GSDMC: variants seen among roughly 807,000 people sequenced by gnomAD.
The protein encoded by GSDMC is gasdermin C, also known as gasdermin-C.
Under a neutral mutation model 58.0 loss-of-function variants are expected in GSDMC, and 59 were observed. The observed-to-expected ratio is 1.02, with a 90% confidence interval of 0.82 to 1.26. The LOEUF is 1.26. Ranked by LOEUF, GSDMC falls within the 50% of genes most tolerant of loss-of-function variation. The pLI, the probability that GSDMC is intolerant of heterozygous loss-of-function variation, is 0.00. For synonymous variants in GSDMC, 241 were observed against 220.2 expected (o/e 1.09, Z -0.83); for missense variants, 659 against 598.5 (o/e 1.10, Z -1.06).
At chr8:129,750,255 CAGT>C (rs1205495496) in intron 11 of GSDMC, 136 bp from the exon 12 acceptor site, 25 of 955,874 alleles carry the variant, frequency 2.6e-5, no homozygotes, top group East Asian at 1.0e-4. Context: ...CAAGCAGCCT[CAGT>C]AGTGGGGGCG....
the GSDMC span, among the ~76,000 whole-genome samples, chr8:129,742,610 T>G: frequency 6.6e-6 from 1 of 152,222 alleles, no homozygotes; most frequent in East Asian, 1.9e-4. Context: ...CTTCATCCAT[T>G]CAACTCGAGG....
At chr8:129,773,078 A>G (rs2034112895) in intron 3 of GSDMC, among the ~76,000 whole-genome samples, 1 of 152,248 alleles carries the variant, frequency 6.6e-6, no homozygotes, top group African/African-American at 2.4e-5. Context: ...CTTTCATGAT[A>G]AAACTCTCAG....
chr8:129,769,484 G>T (rs80309087), intron 3 of GSDMC, among the ~76,000 whole-genome samples: 2,004 of 152,214 alleles, frequency 0.013, 42 homozygotes, highest in African/African-American at 0.047. Flanking sequence ...TTTGGAGGCT[G>T]GGAAGTCCTC....
chr8:129,735,310 T>C, the GSDMC span, among the ~76,000 whole-genome samples: 2 of 152,196 alleles, frequency 1.3e-5, no homozygotes, highest in African/African-American at 2.4e-5. Flanking sequence ...GTGGACCTAA[T>C]AGACATCTAC....
intron 9 of GSDMC, 85 bp from the exon 10 acceptor site, chr8:129,751,653 C>A: frequency 3.2e-6 from 4 of 1,259,358 alleles, no homozygotes; most frequent in Non-Finnish European, 4.6e-6. Context: ...TGCTCTCCTA[C>A]CACCTCCTCC....
At chr8:129,749,185 C>T (rs1366470402) in intron 13 of GSDMC, among the ~76,000 whole-genome samples, 2 of 152,030 alleles carry the variant, frequency 1.3e-5, no homozygotes, top group Non-Finnish European at 2.9e-5. Flanking sequence ...CCTCAAAGTC[C>T]TGTGCTCCTA....
intron 13 of GSDMC, among the ~76,000 whole-genome samples, chr8:129,749,214 G>A (rs1025864760): frequency 2.0e-5 from 3 of 152,082 alleles, no homozygotes; most frequent in African/African-American, 7.2e-5. Context: ...TTTTAGGCCT[G>A]TTGGGGAATG....
the GSDMC span, among the ~76,000 whole-genome samples, chr8:129,732,679 T>C: frequency 6.6e-5 from 10 of 152,296 alleles, no homozygotes; most frequent in East Asian, 1.9e-3. Context: ...AAGAAACTTC[T>C]AAAGGATTCT....
At chr8:129,731,835 T>C in the GSDMC span, among the ~76,000 whole-genome samples, 2 of 152,214 alleles carry the variant, frequency 1.3e-5, no homozygotes, top group Admixed American at 1.3e-4. Context: ...AAAAAATATA[T>C]GACCAAATAG....
At chr8:129,750,180 GC>G in intron 11 of GSDMC, 61 bp from the exon 12 acceptor site, 2 of 1,335,262 alleles carry the variant, frequency 1.5e-6, no homozygotes, top group South Asian at 3.1e-5. Context: ...TATATAATTT[GC>G]CTGTGTCTAC....
intron 7 of GSDMC, among the ~76,000 whole-genome samples, 184 bp from the exon 8 acceptor site, chr8:129,752,331 C>T (rs2033241333): frequency 6.6e-6 from 1 of 152,162 alleles, no homozygotes. Context: ...CCTCTTTCCC[C>T]AACAGACTCA....
chr8:129,709,594 A>AGATAGAT, the GSDMC span, among the ~76,000 whole-genome samples: 1 of 93,942 alleles, frequency 1.1e-5, no homozygotes, highest in East Asian at 3.0e-4. Context: ...GATAGATGAT[A>AGATAGAT]GATAGATAGA....
intron 6 of GSDMC, among the ~76,000 whole-genome samples, chr8:129,759,265 T>C (rs1019335636): frequency 6.6e-6 from 1 of 152,018 alleles, no homozygotes; most frequent in African/African-American, 2.4e-5. Context: ...ACTACTAAAA[T>C]AAAACATTAA....
At chr8:129,776,961 G>A (rs532222523) in intron 2 of GSDMC, among the ~76,000 whole-genome samples, 13 of 151,632 alleles carry the variant, frequency 8.6e-5, no homozygotes, top group African/African-American at 3.1e-4. Context: ...ATAGAGACAG[G>A]GTTTCAGCAT....
At chr8:129,758,138 C>A (rs1179865121) in intron 6 of GSDMC, among the ~76,000 whole-genome samples, 1 of 152,102 alleles carries the variant, frequency 6.6e-6, no homozygotes, top group Non-Finnish European at 1.5e-5. Flanking sequence ...TCAATTGATG[C>A]TAAAAAGGTA....
the GSDMC span, among the ~76,000 whole-genome samples, chr8:129,719,509 C>G: frequency 6.6e-6 from 1 of 152,176 alleles, no homozygotes; most frequent in African/African-American, 2.4e-5. Flanking sequence ...TTGATCAATA[C>G]TATCAACTAA....
chr8:129,748,646 A>G lies in GSDMC; in HGVS notation c.1382T>C (p.Leu461Ser). Residue 461 changes from leucine (L) to serine (S), a missense_variant, in exon 14 of 14, where the codon TTG becomes TCG. Leu to Ser is a moderately radical substitution (Grantham distance 145, BLOSUM62 -2). Transcript: ENST00000276708. ...CTCCAGCAGGCCATAGGTGATGGCC[A>G]AACCCTCACTCTGGAGTGGGGCGAG... is the stretch of plus-strand genomic sequence containing the variant. ...ELLAPLQSEG[L>S]AITYGLLEEC... is the part of the protein sequence containing the mutation. 13 of 1,611,554 alleles carry G rather than the reference A, an allele frequency of 8.1e-6. No homozygotes were observed. Among genetic ancestry groups the G allele is most frequent in the Non-Finnish European group, 1.1e-5 (13 of 1,178,902 alleles).
intron 6 of GSDMC, among the ~76,000 whole-genome samples, chr8:129,755,681 T>C (rs954436722): frequency 3.9e-5 from 6 of 152,206 alleles, no homozygotes; most frequent in Middle Eastern, 6.8e-3. Flanking sequence ...CAATAAGACA[T>C]AAAGACAAAC....
chr8:129,751,287 T>G (rs914208628), intron 10 of GSDMC, among the ~76,000 whole-genome samples: 40 of 152,160 alleles, frequency 2.6e-4, no homozygotes, highest in Non-Finnish European at 5.1e-4. Flanking sequence ...GTGTACTGCT[T>G]GGGATGAGAG....
Sources: allele counts gnomAD v4.1 joint callset (sites outside exome capture counted in the v4.1 genomes callset), GRCh38; gene constraint gnomAD v4.1.1; transcripts MANE v1.5; gene names NCBI Gene and HGNC (gene_info 2026-07-23, HGNC 2026-07-21).